NUP107: variants seen among roughly 807,000 people sequenced by gnomAD.
NUP107 encodes nucleoporin 107.
NUP107 carries 101 observed loss-of-function variants against 141.0 expected under a neutral mutation model. The ratio of observed to expected loss-of-function variants is 0.72; its 90% CI spans 0.61 to 0.84. NUP107 has a LOEUF of 0.84. Among genes scored for constraint, NUP107 ranks in the 40% least tolerant of loss-of-function variants. NUP107 has a pLI of 0.00. For missense variants in NUP107, 941 were observed against 1,102.7 expected (o/e 0.85, Z 2.08); for synonymous variants, 319 against 363.9 (o/e 0.88, Z 1.41).
Position 68,734,749 on chromosome 12 carries a change from T to G in NUP107, c.2304T>G (p.Asn768Lys). ...TTAATGAGTGGTTTAAGCATATGAA[T>G]TCAGTTCCACAAAAACCTGCTTTGA... ...ETFNEWFKHM[N>K]SVPQKPALIP... Residue 768 changes from asparagine (N) to lysine (K), a missense_variant, in exon 25 of 28, where the codon AAT (asparagine) becomes AAG (lysine). By Grantham distance (94) the Asn-to-Lys change is moderately conservative (BLOSUM62 0). Transcript: ENST00000229179. The G allele has an allele frequency of 6.2e-7, 1 of 1,613,540 alleles. No individual in the cohort carries two copies. The highest frequency in any genetic ancestry group is 8.5e-7 in the Non-Finnish European group (1 of 1,179,666).
intron 1 of NUP107, chr12:68,687,346 G>C: frequency 1.3e-6 from 1 of 753,786 alleles, no homozygotes; most frequent in Non-Finnish European, 1.8e-6. Context: ...GTTCGCTCCT[G>C]GGGTGGGCGG....
At chr12:68,733,339 G>T in intron 23 of NUP107, 113 bp from the exon 24 acceptor site, 2 of 923,960 alleles carry the variant, frequency 2.2e-6, no homozygotes, top group Non-Finnish European at 3.2e-6. Context: ...AGTGCCTTGG[G>T]CCCTGAAATA....
chr12:68,744,945 A>G lies in NUP107; in HGVS notation c.*2483A>G, dbSNP rs1375319635. 1 of 152,250 alleles carries G rather than the reference A, an allele frequency of 6.6e-6. No individual in the cohort carries two copies. Among genetic ancestry groups the G allele is most frequent in the Non-Finnish European group, 1.5e-5 (1 of 68,036 alleles). The allele number at this position is 152,250 out of a possible 1,614,324, so 9.4% of individuals were successfully genotyped here. Reference sequence around the variant, plus strand: ...GGCGTGTTGCCTATCACAGGTTCGCATACTAAGTTTTAAAAACTTTTCTTG... The same window carrying G: ...GGCGTGTTGCCTATCACAGGTTCGCGTACTAAGTTTTAAAAACTTTTCTTG... On this transcript the variant is annotated 3_prime_UTR_variant, in exon 28 of 28. Coordinates refer to ENST00000229179, the MANE Select transcript of NUP107 (RefSeq NM_020401.4).
intron 24 of NUP107, among the ~76,000 whole-genome samples, chr12:68,734,507 A>G (rs1877979173): frequency 6.6e-6 from 1 of 152,174 alleles, no homozygotes; most frequent in African/African-American, 2.4e-5. Flanking sequence ...AGAAAACACA[A>G]TATATATACC....
chr12:68,692,511 A>G (rs967673746), intron 5 of NUP107, among the ~76,000 whole-genome samples: 1 of 151,618 alleles, frequency 6.6e-6, no homozygotes, highest in African/African-American at 2.4e-5. Context: ...CCCGGGAGGC[A>G]GAGTTTGCAG....
rs1278845259 is a variant in NUP107, at chr12:68,745,393, A to G, written c.*2931A>G. ...ATCTCCTTTTGTACCTGTAATATCT[A>G]CAATATATAATCTTTCTTTATCGAC... On this transcript the variant is annotated 3_prime_UTR_variant, in exon 28 of 28. Coordinates refer to ENST00000229179, the MANE Select transcript of NUP107 (RefSeq NM_020401.4). The G allele has an allele frequency of 6.6e-6, 1 of 152,228 alleles. No homozygotes were observed. Among genetic ancestry groups the G allele is most frequent in the Non-Finnish European group, 1.5e-5 (1 of 68,044 alleles). The allele number at this position is 152,228 out of a possible 1,614,324, so 9.4% of individuals were successfully genotyped here.
intron 24 of NUP107, 129 bp from the exon 25 acceptor site, chr12:68,734,579 T>A (rs888583745): frequency 7.3e-6 from 5 of 685,090 alleles, no homozygotes; most frequent in African/African-American, 1.8e-5. Context: ...AAAAAATATA[T>A]ATTGAACAGT....
intron 20 of NUP107, among the ~76,000 whole-genome samples, chr12:68,728,705 C>T (rs1483704278): frequency 4.7e-5 from 7 of 149,870 alleles, no homozygotes; most frequent in South Asian, 2.1e-4. Context: ...CCACGACACC[C>T]GGCCTGGACC....
At position 68,687,028 on chromosome 12, in the gene NUP107, G is replaced by A. The variant is rs751492711; in HGVS notation, c.-38G>A. The A allele has an allele frequency of 6.2e-7, 1 of 1,614,102 alleles. No homozygotes were observed. The highest frequency in any genetic ancestry group is 1.1e-5 in the South Asian group (1 of 91,078). ...AAGGCTAAAACGCGGTAGCTAAACT[G>A]CAGCCAACTTTGGTTGTGTGTGGAA... On this transcript the variant is annotated 5_prime_UTR_variant, in exon 1 of 28. Coordinates refer to ENST00000229179, the MANE Select transcript of NUP107 (RefSeq NM_020401.4).
At chr12:68,699,875 G>A (rs1383879047) in intron 6 of NUP107, among the ~76,000 whole-genome samples, 2 of 151,902 alleles carry the variant, frequency 1.3e-5, no homozygotes, top group South Asian at 4.2e-4. Flanking sequence ...TTTTACATGT[G>A]CCTCAGTCCT....
At chr12:68,707,212 TG>T in intron 8 of NUP107, 1 of 405,180 alleles carries the variant, frequency 2.5e-6, no homozygotes, top group Non-Finnish European at 4.4e-6. Flanking sequence ...GTTTACTGCC[TG>T]GGGTACCCCC....
chr12:68,696,728 C>G, intron 5 of NUP107, 91 bp from the exon 6 acceptor site: 1 of 716,648 alleles, frequency 1.4e-6, no homozygotes, highest in Non-Finnish European at 2.2e-6. Flanking sequence ...AATAAATAAA[C>G]AAATAAATAC....
chr12:68,704,221 C>T (rs946738126), intron 8 of NUP107, among the ~76,000 whole-genome samples: 2 of 152,104 alleles, frequency 1.3e-5, no homozygotes, highest in Admixed American at 1.3e-4. Flanking sequence ...CCTGAAAGGA[C>T]CTTGGGTGGT....
chr12:68,720,793 C>T (rs1877317883), intron 14 of NUP107, among the ~76,000 whole-genome samples: 1 of 152,146 alleles, frequency 6.6e-6, no homozygotes, highest in Non-Finnish European at 1.5e-5. Context: ...TATTGAGAAA[C>T]ATTCTAGGAG....
intron 27 of NUP107, 33 bp from the exon 28 acceptor site, chr12:68,742,321 TG>T (rs773216739): frequency 1.5e-6 from 2 of 1,358,912 alleles, no homozygotes; most frequent in Non-Finnish European, 2.1e-6. Flanking sequence ...TACTTGTCTT[TG>T]TTCTCATTCT....
intron 12 of NUP107, among the ~76,000 whole-genome samples, chr12:68,717,612 A>G (rs965932229): frequency 2.5e-4 from 38 of 152,196 alleles, no homozygotes; most frequent in African/African-American, 8.7e-4. Context: ...GTCTGTTTCT[A>G]AAACTTTTTC....
intron 20 of NUP107, among the ~76,000 whole-genome samples, chr12:68,727,832 G>T (rs1269165278): frequency 2.0e-5 from 3 of 152,044 alleles, no homozygotes; most frequent in Non-Finnish European, 2.9e-5. Context: ...TTCCATATTT[G>T]CAGATTTCAC....
chr12:68,693,021 A>G (rs1875885690), intron 5 of NUP107, among the ~76,000 whole-genome samples: 1 of 151,768 alleles, frequency 6.6e-6, no homozygotes, highest in South Asian at 2.1e-4. Context: ...AAGTGCTGGG[A>G]TTACAGGTGT....
chr12:68,736,822 C>T (rs1878094172), intron 26 of NUP107, among the ~76,000 whole-genome samples: 1 of 151,164 alleles, frequency 6.6e-6, no homozygotes, highest in African/African-American at 2.4e-5. Context: ...TTGCCTCAGC[C>T]TCCCAAGTAG....
Sources: allele counts gnomAD v4.1 joint callset (sites outside exome capture counted in the v4.1 genomes callset), GRCh38; gene constraint gnomAD v4.1.1; transcripts MANE v1.5; gene names NCBI Gene and HGNC (gene_info 2026-07-23, HGNC 2026-07-21).